Variants in RANBP9 observed in about 807,000 individuals in gnomAD.
RANBP9 encodes RAN binding protein 9.
Under a neutral mutation model 84.3 loss-of-function variants are expected in RANBP9, and 15 were observed. The observed-to-expected ratio is 0.18, with a 90% CI of 0.12 to 0.27. The LOEUF (loss-of-function observed/expected upper bound fraction) is 0.27, where lower values mean the gene tolerates loss of function less well. Ranked by LOEUF, RANBP9 falls within the 10% of genes least tolerant of loss-of-function variation. RANBP9 has a pLI of 1.00. For missense variants in RANBP9, 809 were observed against 912.8 expected (o/e 0.89, Z 1.46); for synonymous variants, 392 against 349.6 (o/e 1.12, Z -1.35).
chr6:13,624,209 C>T (rs1461685333), intron 13 of RANBP9, among the ~76,000 whole-genome samples: 1 of 152,194 alleles, frequency 6.6e-6, no homozygotes, highest in Non-Finnish European at 1.5e-5. Flanking sequence ...CAGTATTGGT[C>T]CTTAACAAAT....
chr6:13,709,556 A>C (rs1319333394), intron 1 of RANBP9, among the ~76,000 whole-genome samples: 1 of 152,274 alleles, frequency 6.6e-6, no homozygotes, highest in Non-Finnish European at 1.5e-5. Context: ...TCACAAGGAA[A>C]TTAACAAAAG....
chr6:13,622,592 TC>T, intron 13 of RANBP9, 100 bp from the exon 14 acceptor site: 2 of 1,219,400 alleles, frequency 1.6e-6, no homozygotes, highest in South Asian at 3.9e-5. Flanking sequence ...AAACTACCAC[TC>T]CCATACCACT....
intron 1 of RANBP9, among the ~76,000 whole-genome samples, chr6:13,705,604 G>A (rs1316157208): frequency 1.3e-5 from 2 of 151,708 alleles, no homozygotes; most frequent in Non-Finnish European, 2.9e-5. Context: ...GCTCACGCCT[G>A]TAATCCCAGC....
intron 2 of RANBP9, among the ~76,000 whole-genome samples, chr6:13,694,087 CTAGTA>C (rs1766386565): frequency 6.6e-6 from 1 of 152,056 alleles, no homozygotes; most frequent in Non-Finnish European, 1.5e-5. Context: ...AAAATGCAAA[CTAGTA>C]TAGCCACTTT....
chr6:13,698,011 A>G (rs1757882884), intron 1 of RANBP9, among the ~76,000 whole-genome samples: 1 of 152,234 alleles, frequency 6.6e-6, no homozygotes. Flanking sequence ...AAGATATACA[A>G]TCATCACACA....
intron 3 of RANBP9, 133 bp downstream of exon 3, chr6:13,658,647 C>A: frequency 5.0e-6 from 4 of 806,276 alleles, no homozygotes; most frequent in Admixed American, 2.4e-5. Context: ...ACTCAGCTTT[C>A]ACTTAAAATT....
intron 2 of RANBP9, among the ~76,000 whole-genome samples, chr6:13,672,909 G>A (rs929777772): frequency 1.3e-5 from 2 of 151,634 alleles, no homozygotes; most frequent in South Asian, 4.2e-4. Context: ...TTTGAGAATG[G>A]AGGACAACTA....
chr6:13,663,875 CA>C (rs1765588561), intron 2 of RANBP9, among the ~76,000 whole-genome samples: 1 of 152,028 alleles, frequency 6.6e-6, no homozygotes, highest in Admixed American at 6.6e-5. Flanking sequence ...GGCAAACTAA[CA>C]AGGGAACTTC....
intron 12 of RANBP9, 122 bp downstream of exon 12, chr6:13,632,248 C>A (rs1764807923): frequency 7.4e-6 from 6 of 815,306 alleles, no homozygotes; most frequent in Non-Finnish European, 1.1e-5. Flanking sequence ...GGCAAGGAGC[C>A]AGGGGGAAGG....
rs775404168 is a variant in RANBP9 at position 13,686,121 on chromosome 6, C to A, written c.683+10664G>T. Among the ~76,000 whole-genome samples the A allele has an allele frequency of 5.7e-3, 288 of 50,792 alleles. 18 individuals carry two copies. The highest frequency in any genetic ancestry group is 0.051 in the Middle Eastern group (4 of 78). The allele number at this position is 50,792 out of a possible 152,430, so 33.3% of individuals were successfully genotyped here. ...TTCTTCCCCCCCCCCCCCCCGCCCC[C>A]CGAAATAGAGTCTCACTCTGTAGCC... On this transcript the variant is annotated intron_variant, in intron 2 of 13. Transcript: ENST00000011619.
At chr6:13,661,973 G>T (rs567991475) in intron 2 of RANBP9, among the ~76,000 whole-genome samples, 1 of 152,246 alleles carries the variant, frequency 6.6e-6, no homozygotes, top group South Asian at 2.1e-4. Context: ...TAGGTCCCAG[G>T]TAATGCAGCA....
At chr6:13,679,445 C>A (rs1429067777) in intron 2 of RANBP9, among the ~76,000 whole-genome samples, 1 of 152,136 alleles carries the variant, frequency 6.6e-6, no homozygotes, top group Non-Finnish European at 1.5e-5. Context: ...TCGAATAATT[C>A]CATCTGTAGT....
In RANBP9 at chr6:13,630,162, T is replaced by C. The variant is rs114144038; in HGVS notation, c.1947+2208A>G. On this transcript the variant is annotated intron_variant, in intron 12 of 13. Coordinates refer to ENST00000011619, the MANE Select transcript of RANBP9 (RefSeq NM_005493.3). ...GGGTCAGTTGCTCACCTTATCCCTA[T>C]CTAGATCAAGATAAGTTTGGGAAAT... Among the ~76,000 whole-genome samples, 1,086 of 152,174 alleles carry C rather than the reference T, an allele frequency of 7.1e-3. 21 individuals are homozygous for C. The highest frequency in any genetic ancestry group is 0.025 in the African/African-American group (1,036 of 41,484).
chr6:13,686,105 C>T lies in RANBP9; in HGVS notation c.683+10680G>A, dbSNP rs1245623425. Among the ~76,000 whole-genome samples the T allele has an allele frequency of 4.9e-4, 7 of 14,314 alleles. 1 individual carries two copies. Among genetic ancestry groups the T allele is most frequent in the Admixed American group, 1.2e-3 (1 of 830 alleles). 9.4% of individuals were successfully genotyped at this position (14,314 alleles called of 152,430 possible). A position where few individuals can be genotyped will look rare whatever the true frequency, so the allele number is the denominator to read the frequency against. On this transcript the variant is annotated intron_variant, in intron 2 of 13. Transcript: ENST00000011619. Reference sequence around the variant, plus strand: ...CCTGAATTTCCAAAATTTCTTCCCCCCCCCCCCCCCGCCCCCCGAAATAGA... The same window carrying T: ...CCTGAATTTCCAAAATTTCTTCCCCTCCCCCCCCCCGCCCCCCGAAATAGA...
intron 1 of RANBP9, among the ~76,000 whole-genome samples, chr6:13,698,562 T>A (rs555069446): frequency 1.8e-4 from 27 of 152,328 alleles, no homozygotes; most frequent in African/African-American, 6.0e-4. Context: ...CTAACTGCAG[T>A]TCTAAATCCA....
intron 2 of RANBP9, among the ~76,000 whole-genome samples, chr6:13,690,376 C>G (rs750002675): frequency 7.2e-5 from 11 of 152,176 alleles, no homozygotes; most frequent in Non-Finnish European, 1.3e-4. Flanking sequence ...CTTCCATTTG[C>G]TGCTTACAAC....
At chr6:13,642,264 T>C (rs1306562125) in intron 7 of RANBP9, among the ~76,000 whole-genome samples, 2 of 152,166 alleles carry the variant, frequency 1.3e-5, no homozygotes, top group South Asian at 2.1e-4. Context: ...AAAAAACTTC[T>C]GTAAAATCTC....
At chr6:13,633,660 C>A (rs781212237) in intron 11 of RANBP9, among the ~76,000 whole-genome samples, 13 of 152,192 alleles carry the variant, frequency 8.5e-5, no homozygotes, top group Non-Finnish European at 1.8e-4. Context: ...TTAAATTACT[C>A]TTCAGAAACT....
chr6:13,652,999 T>C (rs1174770899), intron 4 of RANBP9, among the ~76,000 whole-genome samples: 1 of 152,148 alleles, frequency 6.6e-6, no homozygotes, highest in African/African-American at 2.4e-5. Context: ...ATTAAGAAAG[T>C]TGGTTGCAAA....
Sources: gnomAD v4.1 joint callset for allele counts (sites outside exome capture counted in the v4.1 genomes callset) on GRCh38, gnomAD v4.1.1 for gene constraint, MANE v1.5 for transcripts, NCBI Gene and HGNC (gene_info 2026-07-23, HGNC 2026-07-21) for gene names.